The following DGUOK variants were observed in gnomAD, a reference collection of about 807,000 sequenced individuals.
DGUOK encodes the protein deoxyguanosine kinase.
DGUOK carries 30 observed loss-of-function variants against 36.6 expected under a neutral mutation model. The observed-to-expected ratio is 0.82, with a 90% CI of 0.61 to 1.11. The LOEUF (loss-of-function observed/expected upper bound fraction) is 1.11, where lower values mean the gene tolerates loss of function less well. Ranked by LOEUF, DGUOK falls within the 50% of genes most tolerant of loss-of-function variation. The pLI is 0.00. For missense variants in DGUOK, 361 were observed against 336.4 expected (o/e 1.07, Z -0.57); for synonymous variants, 145 against 126.3 (o/e 1.15, Z -0.99).
chr2:73,946,076 G>A lies in DGUOK; in HGVS notation c.256-643G>A, dbSNP rs550389700. 5.2e-4 allele frequency among the ~76,000 whole-genome samples: 66 copies of A among 125,974 alleles called. 1 individual carries two copies. The highest frequency in any genetic ancestry group is 3.9e-3 in the Admixed American group (49 of 12,694). The allele number at this position is 125,974 out of a possible 152,430, so 82.6% of individuals were successfully genotyped here. A position where few individuals can be genotyped will look rare whatever the true frequency, so the allele number is the denominator to read the frequency against. Reference sequence around the variant, plus strand: ...TCTCAAAAAAAAAAAAAAAAAATCCGGGGCTGCTGAACATCCCACACTTGT... The same window carrying A: ...TCTCAAAAAAAAAAAAAAAAAATCCAGGGCTGCTGAACATCCCACACTTGT... On this transcript the variant is annotated intron_variant, in intron 2 of 6. Coordinates refer to ENST00000264093, the MANE Select transcript of DGUOK (RefSeq NM_080916.3).
At chr2:73,939,809 G>A (rs561974459) in intron 2 of DGUOK, among the ~76,000 whole-genome samples, 1 of 152,066 alleles carries the variant, frequency 6.6e-6, no homozygotes, top group South Asian at 2.1e-4. Flanking sequence ...ATTGGTTCAA[G>A]TTCTACCTCT....
intron 2 of DGUOK, among the ~76,000 whole-genome samples, chr2:73,939,564 A>G (rs1399806812): frequency 6.6e-6 from 1 of 152,216 alleles, no homozygotes; most frequent in African/African-American, 2.4e-5. Context: ...TGTCAAGACT[A>G]TGGCTTTGGC....
At chr2:73,938,198 C>T (rs1410413056) in intron 1 of DGUOK, among the ~76,000 whole-genome samples, 1 of 152,164 alleles carries the variant, frequency 6.6e-6, no homozygotes, top group Non-Finnish European at 1.5e-5. Flanking sequence ...TTCTTTCTCT[C>T]TTTCAGGTCT....
chr2:73,946,602 C>A (rs753439485), intron 2 of DGUOK, 117 bp from the exon 3 acceptor site: 1 of 941,488 alleles, frequency 1.1e-6, no homozygotes, highest in East Asian at 2.6e-5. Context: ...TTTGTAATTT[C>A]TTCTTTCATT....
At chr2:73,945,141 C>A (rs1334747890) in intron 2 of DGUOK, among the ~76,000 whole-genome samples, 1 of 152,194 alleles carries the variant, frequency 6.6e-6, no homozygotes, top group Non-Finnish European at 1.5e-5. Flanking sequence ...TTTTCTCCTT[C>A]TGTCCTGTTG....
chr2:73,958,154 T>G lies in DGUOK; in HGVS notation c.716T>G (p.Phe239Cys), dbSNP rs1448956638. Reference sequence around the variant, plus strand: ...GTTCACGCTTCTTATAGGCTCCACTTTGAGGCTCTGATGAACATTCCAGTG... The same window carrying G: ...GTTCACGCTTCTTATAGGCTCCACTGTGAGGCTCTGATGAACATTCCAGTG... ...WLIHKTTKLHFEALMNIPVLV... is the reference protein window; with the variant it reads ...WLIHKTTKLHCEALMNIPVLV... The change falls in exon 6 of 7, where the codon TTT becomes TGT. Residue 239 changes from phenylalanine to cysteine, a missense_variant. Phe to Cys is a radical substitution (Grantham distance 205). Coordinates refer to ENST00000264093, the MANE Select transcript of DGUOK (RefSeq NM_080916.3). 5.0e-6 allele frequency: 8 copies of G among 1,613,524 alleles called. No homozygotes were observed. In the South Asian group the frequency reaches 8.8e-5, roughly 18 times the overall value.
intron 4 of DGUOK, among the ~76,000 whole-genome samples, chr2:73,955,530 G>A (rs1683023804): frequency 1.3e-5 from 2 of 152,134 alleles, no homozygotes; most frequent in Non-Finnish European, 2.9e-5. Flanking sequence ...TGGGATTATT[G>A]TGTACTACAT....
chr2:73,944,904 T>C (rs1358983907), intron 2 of DGUOK, among the ~76,000 whole-genome samples: 1 of 152,128 alleles, frequency 6.6e-6, no homozygotes, highest in African/African-American at 2.4e-5. Context: ...GTCCTCCTAC[T>C]TCTACCTCCA....
intron 1 of DGUOK, among the ~76,000 whole-genome samples, chr2:73,931,360 C>T (rs568199649): frequency 5.9e-5 from 9 of 152,182 alleles, no homozygotes; most frequent in South Asian, 2.1e-4. Context: ...CTGCAACCTC[C>T]GCTTCCCAGG....
intron 3 of DGUOK, among the ~76,000 whole-genome samples, chr2:73,947,482 A>G (rs1682420893): frequency 6.6e-6 from 1 of 152,166 alleles, no homozygotes; most frequent in South Asian, 2.1e-4. Flanking sequence ...TTTGCTGGCC[A>G]GAGTCTAGTG....
In DGUOK at chr2:73,927,794, A is replaced by G. The variant is rs78824616; in HGVS notation, c.142+742A>G. On this transcript the variant is annotated intron_variant, in intron 1 of 6. Transcript: ENST00000264093. ...TGAAGGCAAAGCATTTCGATTTAAT[A>G]TTAATAAATTCTGACTTGATACTTT... 3.0e-4 allele frequency among the ~76,000 whole-genome samples: 46 copies of G among 152,390 alleles called. 1 individual carries two copies. In the East Asian group the frequency reaches 7.9e-3, roughly 26 times the overall value.
chr2:73,936,610 C>G (rs1304082915), intron 1 of DGUOK, among the ~76,000 whole-genome samples: 1 of 152,152 alleles, frequency 6.6e-6, no homozygotes, highest in African/African-American at 2.4e-5. Context: ...AAGGATGCCC[C>G]CCTTCTTTCC....
At chr2:73,931,287 GTTTT>G (rs1049758137) in intron 1 of DGUOK, among the ~76,000 whole-genome samples, 23 of 151,302 alleles carry the variant, frequency 1.5e-4, no homozygotes, top group Non-Finnish European at 2.4e-4. Context: ...TTGTTTGTTT[GTTTT>G]TTTGATGGAG....
At position 73,946,840 on chromosome 2, in the gene DGUOK, T is replaced by A. The variant is rs1194348250; in HGVS notation, c.377T>A (p.Phe126Tyr). 1 of 1,613,958 alleles carries A rather than the reference T, an allele frequency of 6.2e-7. No homozygotes were observed. Among genetic ancestry groups the A allele is most frequent in the Admixed American group, 1.7e-5 (1 of 60,008 alleles). ...CGCCTGAAAGTACAGCTGGAGCCCT[T>A]CCCTGAGAAACTCTTACAGGCCAGG... Reference protein sequence around the residue: ...LSRLKVQLEPFPEKLLQARKP... With the variant: ...LSRLKVQLEPYPEKLLQARKP... Residue 126 changes from phenylalanine (F) to tyrosine (Y), a missense_variant, in exon 3 of 7, where the codon TTC (phenylalanine) becomes TAC (tyrosine). Coordinates refer to ENST00000264093, the MANE Select transcript of DGUOK (RefSeq NM_080916.3).
At chr2:73,949,142 G>A (rs530168414) in intron 3 of DGUOK, among the ~76,000 whole-genome samples, 18 of 152,182 alleles carry the variant, frequency 1.2e-4, no homozygotes, top group African/African-American at 4.3e-4. Context: ...AGTAGAAACG[G>A]GGTTTCACCA....
intron 1 of DGUOK, chr2:73,932,454 C>T (rs1025564806): frequency 1.4e-5 from 5 of 355,934 alleles, no homozygotes; most frequent in Admixed American, 8.3e-5. Context: ...ACCTAACCCC[C>T]GCCTTGACCC....
chr2:73,948,867 G>A (rs1217030649), intron 3 of DGUOK, among the ~76,000 whole-genome samples: 1 of 152,098 alleles, frequency 6.6e-6, no homozygotes, highest in Non-Finnish European at 1.5e-5. Context: ...CACAAGCTTT[G>A]AAGAAATAAA....
Position 73,950,702 on chromosome 2 carries a change from T to G in DGUOK, c.561T>G (p.His187Gln), listed in dbSNP as rs376145379. The G allele has an allele frequency of 6.2e-7, 1 of 1,614,110 alleles. No homozygotes were observed. Among genetic ancestry groups the G allele is most frequent in the Non-Finnish European group, 8.5e-7 (1 of 1,180,048 alleles). Residue 187 changes from histidine to glutamine, a missense_variant, in exon 4 of 7, where the codon CAT becomes CAG. Physicochemically the swap from His to Gln is conservative, Grantham distance 24 (BLOSUM62 0). Transcript: ENST00000264093. Reference protein sequence around the residue: ...LWEFASRITLHGFIYLQASPQ... With the variant: ...LWEFASRITLQGFIYLQASPQ... ...AGTTTGCCAGCCGGATCACATTACA[T>G]GGCTTCATCTACCTCCAGGCTTCTC...
Position 73,957,231 on chromosome 2 carries a change from A to G in DGUOK, c.698A>G (p.Lys233Arg). 6.2e-7 allele frequency: 1 copy of G among 1,613,618 alleles called. No individual in the cohort carries two copies. The highest frequency in any genetic ancestry group is 8.5e-7 in the Non-Finnish European group (1 of 1,179,562). The change falls in exon 5 of 7, where the codon AAG (lysine) becomes AGG (arginine). Residue 233 changes from lysine to arginine, a missense_variant. Physicochemically the swap from Lys to Arg is conservative, Grantham distance 26. Coordinates refer to ENST00000264093, the MANE Select transcript of DGUOK (RefSeq NM_080916.3). ...HGQHEAWLIH[K>R]TTKLHFEALM... The stretch of plus-strand genomic sequence containing the variant: ...CAACACGAAGCCTGGCTTATTCACA[A>G]GACAACGAAGTAAGTGGGGAGAAAA...
Sources: gnomAD v4.1 joint callset for allele counts (sites outside exome capture counted in the v4.1 genomes callset) on GRCh38, gnomAD v4.1.1 for gene constraint, MANE v1.5 for transcripts, NCBI Gene and HGNC (gene_info 2026-07-23, HGNC 2026-07-21) for gene names.